Variants in WWTR1 observed in about 807,000 individuals in gnomAD.
WWTR1 encodes the protein WW domain containing transcription regulator 1.
WWTR1 carries 13 observed loss-of-function variants against 40.1 expected under a neutral mutation model. That is an observed-to-expected ratio of 0.32 (90% CI 0.21 to 0.52). The LOEUF is 0.52. Ranked by LOEUF, WWTR1 falls within the 20% of genes least tolerant of loss-of-function variation. The pLI is 0.97. For synonymous variants in WWTR1, 230 were observed against 210.1 expected (o/e 1.09, Z -0.82); for missense variants, 436 against 523.1 (o/e 0.83, Z 1.63).
At chr3:149,670,811 A>G (rs12490239) in intron 1 of WWTR1, 30,321 of 152,068 alleles carry the variant, frequency 0.2, 3,286 homozygotes, top group Admixed American at 0.3. Context: ...TCCTGCTGCA[A>G]CAGGACCAGC....
chr3:149,672,163 A>T (rs1431559598), intron 1 of WWTR1, among the ~76,000 whole-genome samples: 1 of 152,198 alleles, frequency 6.6e-6, no homozygotes, highest in African/African-American at 2.4e-5. Flanking sequence ...ACAAAAAAAC[A>T]ACCAGTAGAA....
At chr3:149,661,567 G>A (rs1283212039), upstream of WWTR1, among the ~76,000 whole-genome samples, 3 of 151,284 alleles carry the variant, frequency 2.0e-5, no homozygotes, top group African/African-American at 7.3e-5. Flanking sequence ...GACTACAGAC[G>A]TGCACCACCA....
chr3:149,526,533 G>A (rs1735322248), intron 5 of WWTR1, among the ~76,000 whole-genome samples: 1 of 152,184 alleles, frequency 6.6e-6, no homozygotes, highest in Non-Finnish European at 1.5e-5. Flanking sequence ...GCTACCACTG[G>A]GGACAGAAGG....
At chr3:149,692,688 C>T (rs138151949) in intron 1 of WWTR1, among the ~76,000 whole-genome samples, 27 of 152,198 alleles carry the variant, frequency 1.8e-4, no homozygotes, top group African/African-American at 6.0e-4. Context: ...GGCTGGAGTG[C>T]AATGGTGCGA....
At chr3:149,602,295 G>A (rs1303560512) in intron 2 of WWTR1, among the ~76,000 whole-genome samples, 1 of 152,226 alleles carries the variant, frequency 6.6e-6, no homozygotes, top group Non-Finnish European at 1.5e-5. Flanking sequence ...ATTCTTGAAT[G>A]AGCATTCACA....
intron 5 of WWTR1, among the ~76,000 whole-genome samples, chr3:149,713,627 C>T (rs1176221369): frequency 1.3e-5 from 2 of 152,188 alleles, no homozygotes; most frequent in Non-Finnish European, 2.9e-5. Flanking sequence ...GTGCTCCACC[C>T]GCCTCCACCT....
chr3:149,576,375 A>T (rs1737881610), intron 2 of WWTR1: 1 of 286,384 alleles, frequency 3.5e-6, no homozygotes, highest in African/African-American at 2.2e-5. Context: ...TCACTCTTTC[A>T]CTCTGCTGTC....
intron 3 of WWTR1, among the ~76,000 whole-genome samples, chr3:149,561,073 A>T (rs1230861281): frequency 1.3e-5 from 2 of 152,206 alleles, no homozygotes. Flanking sequence ...ATTCAGAAAC[A>T]TTCCAAAGAA....
intron 2 of WWTR1, among the ~76,000 whole-genome samples, chr3:149,583,233 T>C (rs369117779): frequency 6.6e-6 from 1 of 152,304 alleles, no homozygotes; most frequent in Non-Finnish European, 1.5e-5. Context: ...CCCAAAGTGC[T>C]AGGATGACAG....
chr3:149,698,224 G>C (rs182251825), intron 1 of WWTR1, among the ~76,000 whole-genome samples: 3 of 152,296 alleles, frequency 2.0e-5, no homozygotes, highest in Non-Finnish European at 4.4e-5. Flanking sequence ...TCAAGGGCAG[G>C]CCTAGGTGAA....
intron 2 of WWTR1, among the ~76,000 whole-genome samples, chr3:149,625,645 G>C (rs937433496): frequency 2.0e-5 from 3 of 151,870 alleles, no homozygotes; most frequent in Non-Finnish European, 4.4e-5. Context: ...ACAAAAACTA[G>C]CTGGGCATGG....
chr3:149,662,584 G>A (rs536721340), upstream of WWTR1, among the ~76,000 whole-genome samples: 394 of 152,084 alleles, frequency 2.6e-3, 6 homozygotes, highest in Middle Eastern at 6.8e-3. Context: ...CCACTCTCAC[G>A]ACAGGACCTT....
At chr3:149,531,079 C>T (rs1735553480) in intron 4 of WWTR1, among the ~76,000 whole-genome samples, 1 of 152,072 alleles carries the variant, frequency 6.6e-6, no homozygotes, top group African/African-American at 2.4e-5. Context: ...GGACTACAGG[C>T]ATGTGCCACC....
chr3:149,555,927 A>G (rs1249987354), intron 3 of WWTR1, among the ~76,000 whole-genome samples: 1 of 152,240 alleles, frequency 6.6e-6, no homozygotes, highest in Non-Finnish European at 1.5e-5. Flanking sequence ...CAGGGAAGTT[A>G]AGAAAGGCCT....
chr3:149,605,591 C>A (rs973984993), intron 2 of WWTR1, among the ~76,000 whole-genome samples: 9 of 152,018 alleles, frequency 5.9e-5, no homozygotes, highest in African/African-American at 2.2e-4. Context: ...GTGACTGTGG[C>A]GCATGCAAGT....
At chr3:149,633,829 C>T (rs1711672492) in intron 2 of WWTR1, among the ~76,000 whole-genome samples, 1 of 152,018 alleles carries the variant, frequency 6.6e-6, no homozygotes, top group African/African-American at 2.4e-5. Context: ...AAATGGGTTG[C>T]AAGGGAAGTG....
At position 149,588,501 on chromosome 3, in the gene WWTR1, T is replaced by A. The variant is rs114992072; in HGVS notation, c.432-15501A>T. Among the ~76,000 whole-genome samples, 1,421 of 152,300 alleles carry A rather than the reference T, an allele frequency of 9.3e-3. 27 individuals carry two copies. The highest frequency in any genetic ancestry group is 0.032 in the African/African-American group (1,340 of 41,556). ...TCTTTAGTGTATGATGATAGAATGG[T>A]TAAACAAATTATGGTACAGTCAGAC... On this transcript the variant is annotated intron_variant, in intron 2 of 6. Coordinates refer to ENST00000360632, the MANE Select transcript of WWTR1 (RefSeq NM_015472.6).
At chr3:149,619,896 T>A (rs937550862) in intron 2 of WWTR1, among the ~76,000 whole-genome samples, 5 of 152,202 alleles carry the variant, frequency 3.3e-5, no homozygotes, top group South Asian at 4.2e-4. Flanking sequence ...TCTCTCAGGA[T>A]CTCACAGATC....
chr3:149,698,761 C>G (rs1715075404), intron 1 of WWTR1, among the ~76,000 whole-genome samples: 1 of 152,248 alleles, frequency 6.6e-6, no homozygotes, highest in Admixed American at 6.5e-5. Flanking sequence ...ATGGAAACTG[C>G]CAAGACTTAT....
Sources: allele counts gnomAD v4.1 joint callset (sites outside exome capture counted in the v4.1 genomes callset), GRCh38; gene constraint gnomAD v4.1.1; transcripts MANE v1.5; gene names NCBI Gene and HGNC (gene_info 2026-07-23, HGNC 2026-07-21).